The following SLC10A7 variants were observed in gnomAD, a reference collection of about 807,000 sequenced individuals.
SLC10A7 encodes the protein solute carrier family 10 member 7.
Under a neutral mutation model 43.2 loss-of-function variants are expected in SLC10A7, and 29 were observed. That is an observed-to-expected ratio of 0.67 (90% CI 0.50 to 0.92). SLC10A7 has a LOEUF of 0.92. SLC10A7 is among the 40% of genes least tolerant of loss of function. The pLI is 0.00. For synonymous variants in SLC10A7, 152 were observed against 144.8 expected (o/e 1.05, Z -0.35); for missense variants, 295 against 403.2 (o/e 0.73, Z 2.30).
chr4:146,416,988 C>T lies in SLC10A7; in HGVS notation c.435+25795G>A, dbSNP rs1287529647. Among the ~76,000 whole-genome samples the T allele has an allele frequency of 7.2e-5, 11 of 152,272 alleles. No individual in the cohort carries two copies. In the East Asian group the frequency reaches 1.2e-3, roughly 16 times the overall value. On this transcript the variant is annotated intron_variant, in intron 5 of 11. Coordinates refer to ENST00000335472, the MANE Select transcript of SLC10A7 (RefSeq NM_001029998.6). ...TCACCCACCACCTTTCAATAAAATG[C>T]AACCCCTCTAGTTTTATCCCTTTCC...
At chr4:146,341,278 G>A (rs541050789) in intron 5 of SLC10A7, among the ~76,000 whole-genome samples, 54 of 151,784 alleles carry the variant, frequency 3.6e-4, no homozygotes, top group African/African-American at 1.2e-3. Flanking sequence ...TTGTTCTTTA[G>A]TAACCATTTG....
At chr4:146,470,198 C>T (rs1290443235) in intron 4 of SLC10A7, among the ~76,000 whole-genome samples, 4 of 152,090 alleles carry the variant, frequency 2.6e-5, no homozygotes, top group Non-Finnish European at 1.5e-5. Context: ...GGGCTTATTG[C>T]TTCCTTTAAT....
intron 5 of SLC10A7, among the ~76,000 whole-genome samples, chr4:146,356,578 C>A (rs796674362): frequency 6.6e-6 from 1 of 151,070 alleles, no homozygotes; most frequent in Non-Finnish European, 1.5e-5. Context: ...CAGACAGACA[C>A]ACACACACAC....
intron 4 of SLC10A7, among the ~76,000 whole-genome samples, chr4:146,445,928 C>T (rs942985772): frequency 9.9e-5 from 15 of 151,624 alleles, no homozygotes; most frequent in African/African-American, 1.5e-4. Context: ...CGTGCGCACG[C>T]GCGTGCACGG....
chr4:146,345,423 T>C (rs753371527), intron 5 of SLC10A7, among the ~76,000 whole-genome samples: 5 of 152,130 alleles, frequency 3.3e-5, no homozygotes, highest in Non-Finnish European at 7.4e-5. Flanking sequence ...TCTACAACAT[T>C]CTGTATTATC....
chr4:146,363,354 T>A (rs4103540), intron 5 of SLC10A7, among the ~76,000 whole-genome samples: 124,469 of 152,120 alleles, frequency 0.82, 51,730 homozygotes, highest in African/African-American at 0.95. Flanking sequence ...CAGCATCCAG[T>A]TATATTAAGC....
chr4:146,356,712 C>G (rs1735674495), intron 5 of SLC10A7, among the ~76,000 whole-genome samples: 1 of 152,072 alleles, frequency 6.6e-6, no homozygotes, highest in African/African-American at 2.4e-5. Flanking sequence ...TACCTCTATC[C>G]CCCAACTAAG....
chr4:146,431,755 A>T (rs1729792911), intron 5 of SLC10A7, among the ~76,000 whole-genome samples: 1 of 152,144 alleles, frequency 6.6e-6, no homozygotes, highest in African/African-American at 2.4e-5. Context: ...TAGGATACAA[A>T]AAGCCTGAGT....
At chr4:146,416,782 T>G (rs1728598986) in intron 5 of SLC10A7, among the ~76,000 whole-genome samples, 1 of 152,178 alleles carries the variant, frequency 6.6e-6, no homozygotes, top group African/African-American at 2.4e-5. Context: ...ATCTGGACCC[T>G]TATTACATAT....
intron 6 of SLC10A7, among the ~76,000 whole-genome samples, chr4:146,321,323 C>T (rs1046460656): frequency 6.6e-6 from 1 of 152,080 alleles, no homozygotes; most frequent in Non-Finnish European, 1.5e-5. Context: ...GTGGATGTAT[C>T]ACTTTAATCT....
intron 5 of SLC10A7, among the ~76,000 whole-genome samples, chr4:146,381,257 C>T (rs1360696828): frequency 6.6e-6 from 1 of 152,070 alleles, no homozygotes; most frequent in East Asian, 1.9e-4. Context: ...AACAGAGCAA[C>T]AAGTATCTGA....
At chr4:146,512,884 C>T (rs982594392) in intron 2 of SLC10A7, among the ~76,000 whole-genome samples, 5 of 152,088 alleles carry the variant, frequency 3.3e-5, no homozygotes, top group African/African-American at 1.2e-4. Flanking sequence ...AACAAAAATA[C>T]ATCATGACAC....
chr4:146,519,073 A>C (rs1738308947), intron 1 of SLC10A7, among the ~76,000 whole-genome samples: 2 of 11,856 alleles, frequency 1.7e-4, no homozygotes, highest in South Asian at 5.7e-3. Flanking sequence ...CACCATATAT[A>C]TATATATATA....
chr4:146,292,850 G>T (rs1352478341), intron 9 of SLC10A7, 79 bp downstream of exon 9: 3 of 990,656 alleles, frequency 3.0e-6, no homozygotes, highest in Non-Finnish European at 4.6e-6. Flanking sequence ...ATATAAACGT[G>T]TATAGTGGCA....
At chr4:146,464,153 G>A (rs1732800206) in intron 4 of SLC10A7, among the ~76,000 whole-genome samples, 2 of 151,586 alleles carry the variant, frequency 1.3e-5, no homozygotes, top group African/African-American at 2.4e-5. Flanking sequence ...AAAAAAAAAA[G>A]CTGGAACTAT....
chr4:146,521,530 G>T, intron 1 of SLC10A7, 88 bp downstream of exon 1: 1 of 1,107,146 alleles, frequency 9.0e-7, no homozygotes, highest in Non-Finnish European at 1.3e-6. Flanking sequence ...GCAAGCGCTT[G>T]CAATGAGGGT....
chr4:146,371,560 G>A (rs1478881774), intron 5 of SLC10A7, among the ~76,000 whole-genome samples: 1 of 152,128 alleles, frequency 6.6e-6, no homozygotes, highest in Non-Finnish European at 1.5e-5. Flanking sequence ...TAAAAAGTAC[G>A]CGATGTGTTT....
In SLC10A7 at chr4:146,489,211, AT is replaced by A. The variant is rs1735180206; in HGVS notation, c.396+14637del. 4.6e-5 allele frequency among the ~76,000 whole-genome samples: 7 copies of A among 152,254 alleles called. No individual in the cohort carries two copies. The South Asian group carries it at 1.2e-3, about 27-fold the overall frequency. On this transcript the variant is annotated intron_variant, in intron 4 of 11. Transcript: ENST00000335472. ...ACTCATTACTCTGAACACAGCCTTT[AT>A]TTTTTCCACCTAGGTAGTTCAGGCA...
intron 4 of SLC10A7, among the ~76,000 whole-genome samples, chr4:146,476,158 T>G (rs959355579): frequency 6.6e-6 from 1 of 152,144 alleles, no homozygotes; most frequent in African/African-American, 2.4e-5. Context: ...AAAAGAAATC[T>G]ATGAATGAGG....
Sources: gnomAD v4.1 joint callset for allele counts (sites outside exome capture counted in the v4.1 genomes callset) on GRCh38, gnomAD v4.1.1 for gene constraint, MANE v1.5 for transcripts, NCBI Gene and HGNC (gene_info 2026-07-23, HGNC 2026-07-21) for gene names.